Variants in NXPE2 observed in about 807,000 individuals in gnomAD.
NXPE2 encodes the protein neurexophilin and PC-esterase domain family member 2, also known as NXPE family member 2.
Under a neutral mutation model 34.4 loss-of-function variants are expected in NXPE2, and 34 were observed. That is an observed-to-expected ratio of 0.99 (90% confidence interval 0.75 to 1.31). The LOEUF (loss-of-function observed/expected upper bound fraction) is 1.31, where lower values mean the gene tolerates loss of function less well. NXPE2 is among the 40% of genes most tolerant of loss of function. The pLI, the probability that NXPE2 is intolerant of heterozygous loss-of-function variation, is 0.00. For synonymous variants in NXPE2, 235 were observed against 231.3 expected (o/e 1.02, Z -0.15); for missense variants, 649 against 672.5 (o/e 0.97, Z 0.39).
At chr11:114,685,830 A>G (rs752413751) in intron 2 of NXPE2, among the ~76,000 whole-genome samples, 5 of 152,136 alleles carry the variant, frequency 3.3e-5, no homozygotes, top group Non-Finnish European at 7.4e-5. Context: ...TGTGTCTCGT[A>G]TGTTGCATAA....
chr11:114,607,618 C>G, the NXPE2 span, among the ~76,000 whole-genome samples: 1 of 151,484 alleles, frequency 6.6e-6, no homozygotes, highest in Non-Finnish European at 1.5e-5. Context: ...ACCAGTGTTA[C>G]CCGGTGGATA....
the NXPE2 span, among the ~76,000 whole-genome samples, chr11:114,534,522 A>G: frequency 6.6e-6 from 1 of 152,222 alleles, no homozygotes; most frequent in Non-Finnish European, 1.5e-5. Flanking sequence ...ATGGCAAAGA[A>G]GTTAAAAACT....
chr11:114,729,678 C>T, the NXPE2 span, among the ~76,000 whole-genome samples: 1 of 152,030 alleles, frequency 6.6e-6, no homozygotes, highest in Non-Finnish European at 1.5e-5. Flanking sequence ...CATTTTTTCA[C>T]ATTCGTTGGC....
chr11:114,810,841 T>C, the NXPE2 span, among the ~76,000 whole-genome samples: 1 of 152,158 alleles, frequency 6.6e-6, no homozygotes, highest in African/African-American at 2.4e-5. Context: ...TTACTGGGTA[T>C]ATACCCAAAG....
At chr11:114,652,737 C>T in the NXPE2 span, among the ~76,000 whole-genome samples, 1 of 143,512 alleles carries the variant, frequency 7.0e-6, no homozygotes, top group African/African-American at 2.5e-5. Context: ...AGTGATAGAG[C>T]ACAGTCAAGA....
At chr11:114,622,296 A>G in the NXPE2 span, among the ~76,000 whole-genome samples, 3 of 152,022 alleles carry the variant, frequency 2.0e-5, no homozygotes, top group East Asian at 3.9e-4. Flanking sequence ...CTGCTGGATA[A>G]TAATTGTTGC....
At chr11:114,496,882 C>G in the NXPE2 span, among the ~76,000 whole-genome samples, 1 of 152,122 alleles carries the variant, frequency 6.6e-6, no homozygotes, top group Non-Finnish European at 1.5e-5. Context: ...TGTGCTGATG[C>G]TGGTGTAAAC....
chr11:114,613,550 C>A, the NXPE2 span, among the ~76,000 whole-genome samples: 1 of 141,696 alleles, frequency 7.1e-6, no homozygotes, highest in Non-Finnish European at 1.6e-5. Flanking sequence ...ACCTGCTGCA[C>A]AATAAGTGTT....
At chr11:114,484,642 G>A in the NXPE2 span, among the ~76,000 whole-genome samples, 502 of 152,228 alleles carry the variant, frequency 3.3e-3, 2 homozygotes, top group Non-Finnish European at 5.3e-3. Context: ...TAGCTTTCAC[G>A]TCTTTTCTGT....
the NXPE2 span, among the ~76,000 whole-genome samples, chr11:114,516,688 A>T: frequency 6.6e-6 from 1 of 152,182 alleles, no homozygotes; most frequent in African/African-American, 2.4e-5. Context: ...TTATCTGAAA[A>T]TAAGAGCACA....
At chr11:114,647,800 T>C in the NXPE2 span, among the ~76,000 whole-genome samples, 4 of 152,084 alleles carry the variant, frequency 2.6e-5, no homozygotes, top group African/African-American at 9.6e-5. Context: ...CCCCTGGGTT[T>C]AAGCGATTCT....
chr11:114,690,528 T>A lies in NXPE2; in HGVS notation c.133-7517T>A, dbSNP rs181688295. Among the ~76,000 whole-genome samples the A allele has an allele frequency of 1.0e-3, 155 of 152,270 alleles. 1 individual carries two copies. Among genetic ancestry groups the A allele is most frequent in the Admixed American group, 8.3e-3 (127 of 15,290 alleles). On this transcript the variant is annotated intron_variant, in intron 2 of 5. Coordinates refer to ENST00000389586, the MANE Select transcript of NXPE2 (RefSeq NM_182495.6). ...CCTTTTTCTCTAGCTGCCTTTAAGATTTTTACTTTTTTGTTAGTCTTGGAT... is the reference window on the plus strand; with the variant it reads ...CCTTTTTCTCTAGCTGCCTTTAAGAATTTTACTTTTTTGTTAGTCTTGGAT...
At chr11:114,772,625 C>T in the NXPE2 span, among the ~76,000 whole-genome samples, 642 of 152,160 alleles carry the variant, frequency 4.2e-3, 3 homozygotes, top group African/African-American at 0.015. Context: ...GCCAACCCAG[C>T]TCACTGAATC....
chr11:114,585,720 G>A, the NXPE2 span, among the ~76,000 whole-genome samples: 1 of 152,066 alleles, frequency 6.6e-6, no homozygotes, highest in Non-Finnish European at 1.5e-5. Context: ...AGGAGTCCTT[G>A]GCAAGGCTTC....
chr11:114,778,755 C>T, the NXPE2 span, among the ~76,000 whole-genome samples: 1 of 152,182 alleles, frequency 6.6e-6, no homozygotes. Flanking sequence ...TGATCCCACT[C>T]TCCCAAACCA....
chr11:114,530,735 A>G, the NXPE2 span: 11 of 1,613,998 alleles, frequency 6.8e-6, no homozygotes, highest in African/African-American at 8.0e-5. Flanking sequence ...TGGTGTTCAC[A>G]TGGGTGAAAG....
the NXPE2 span, among the ~76,000 whole-genome samples, chr11:114,810,664 C>G: frequency 1.3e-3 from 192 of 151,932 alleles, no homozygotes; most frequent in African/African-American, 4.5e-3. Context: ...GTTAGAATGG[C>G]GATCATTAAA....
At chr11:114,725,508 T>G in the NXPE2 span, among the ~76,000 whole-genome samples, 1 of 150,068 alleles carries the variant, frequency 6.7e-6, no homozygotes, top group Non-Finnish European at 1.5e-5. Context: ...AGTTTCCCCT[T>G]TTCCTGAGTG....
At chr11:114,503,345 C>T in the NXPE2 span, among the ~76,000 whole-genome samples, 2 of 151,914 alleles carry the variant, frequency 1.3e-5, no homozygotes, top group South Asian at 2.1e-4. Flanking sequence ...CGAATAGTCA[C>T]ACAGATAAAA....
Sources: gnomAD v4.1 joint callset for allele counts (sites outside exome capture counted in the v4.1 genomes callset) on GRCh38, gnomAD v4.1.1 for gene constraint, MANE v1.5 for transcripts, NCBI Gene and HGNC (gene_info 2026-07-23, HGNC 2026-07-21) for gene names.